The following ZBTB7C variants were observed in gnomAD, a reference collection of about 807,000 sequenced individuals.
ZBTB7C encodes the protein zinc finger and BTB domain containing 7C.
ZBTB7C carries 8 observed loss-of-function variants against 25.7 expected under a neutral mutation model. The observed-to-expected ratio is 0.31, with a 90% confidence interval of 0.18 to 0.56. The LOEUF (loss-of-function observed/expected upper bound fraction) is 0.56, where lower values mean the gene tolerates loss of function less well. ZBTB7C is among the 20% of genes least tolerant of loss of function. The pLI is 0.91. For missense variants in ZBTB7C, 824 were observed against 855.2 expected, an observed-to-expected ratio of 0.96 and a Z score of 0.46; for synonymous variants, 394 against 369.0, an observed-to-expected ratio of 1.07 and a Z score of -0.78.
intron 3 of ZBTB7C, among the ~76,000 whole-genome samples, chr18:48,052,835 G>T (rs907646666): frequency 2.6e-5 from 4 of 152,150 alleles, no homozygotes; most frequent in African/African-American, 9.7e-5. Flanking sequence ...GCCCACACAT[G>T]AATCCATTTC....
chr18:48,345,250 T>A (rs978223449), intron 1 of ZBTB7C, among the ~76,000 whole-genome samples: 23 of 152,330 alleles, frequency 1.5e-4, no homozygotes, highest in African/African-American at 5.5e-4. Context: ...AGGTGTGCAC[T>A]GGACAGGCTG....
intron 1 of ZBTB7C, among the ~76,000 whole-genome samples, chr18:48,353,845 C>T (rs941041283): frequency 3.9e-5 from 6 of 152,130 alleles, no homozygotes; most frequent in Non-Finnish European, 5.9e-5. Context: ...CCTCACACAG[C>T]GTGGAAGTGG....
intron 2 of ZBTB7C, among the ~76,000 whole-genome samples, chr18:48,237,380 A>T (rs112511973): frequency 0.019 from 2,845 of 152,272 alleles, 38 homozygotes; most frequent in Middle Eastern, 0.075. Context: ...AGGAAACAGT[A>T]CAAATGTGGG....
At chr18:48,093,836 A>G (rs1243968186) in intron 3 of ZBTB7C, among the ~76,000 whole-genome samples, 6 of 152,148 alleles carry the variant, frequency 3.9e-5, no homozygotes, top group African/African-American at 1.2e-4. Context: ...CGGGTAGATC[A>G]TGAGGTCAGG....
chr18:48,381,511 AACAGAATC>A (rs2047633100), intron 1 of ZBTB7C, among the ~76,000 whole-genome samples: 1 of 152,246 alleles, frequency 6.6e-6, no homozygotes. Flanking sequence ...TCAAGAAAGG[AACAGAATC>A]ACAGAGATAC....
chr18:48,101,477 C>T (rs1046130757), intron 3 of ZBTB7C, among the ~76,000 whole-genome samples: 3 of 152,078 alleles, frequency 2.0e-5, no homozygotes, highest in African/African-American at 7.2e-5. Context: ...TTTGATATTG[C>T]TTTTTTCACA....
intron 3 of ZBTB7C, among the ~76,000 whole-genome samples, chr18:48,163,736 A>G (rs1318449489): frequency 6.6e-6 from 1 of 152,200 alleles, no homozygotes; most frequent in Non-Finnish European, 1.5e-5. Context: ...ATTAAGAGGG[A>G]CAACAAAAAA....
chr18:48,204,607 C>G (rs1043790728), intron 2 of ZBTB7C, among the ~76,000 whole-genome samples: 2 of 152,174 alleles, frequency 1.3e-5, no homozygotes, highest in Non-Finnish European at 2.9e-5. Flanking sequence ...GCCTCCTTAT[C>G]TACAGCAACA....
chr18:48,165,238 A>G (rs972856666), intron 3 of ZBTB7C: 1 of 667,034 alleles, frequency 1.5e-6, no homozygotes, highest in Non-Finnish European at 2.4e-6. Context: ...CTGTTGGCCC[A>G]CAGCTTAGAG....
intron 3 of ZBTB7C, among the ~76,000 whole-genome samples, chr18:48,184,821 C>T (rs372129481): frequency 2.4e-4 from 1 of 4,160 alleles, no homozygotes; most frequent in Non-Finnish European, 5.0e-4. Flanking sequence ...GGAGAATTTT[C>T]TCTCTCTCTC....
At chr18:48,360,143 C>T (rs1462721270) in intron 1 of ZBTB7C, among the ~76,000 whole-genome samples, 1 of 152,244 alleles carries the variant, frequency 6.6e-6, no homozygotes, top group African/African-American at 2.4e-5. Flanking sequence ...GCGAGAATAA[C>T]TACTTTGCAT....
At chr18:48,367,202 T>TACACACACAC (rs1180190109) in intron 1 of ZBTB7C, among the ~76,000 whole-genome samples, 1 of 63,396 alleles carries the variant, frequency 1.6e-5, no homozygotes, top group African/African-American at 6.1e-5. Context: ...TATATATATA[T>TACACACACAC]ACACACACAC....
chr18:48,283,399 A>T (rs866136711), intron 2 of ZBTB7C, among the ~76,000 whole-genome samples: 3 of 152,332 alleles, frequency 2.0e-5, no homozygotes, highest in Middle Eastern at 6.8e-3. Context: ...ATGAATAGAC[A>T]TCACTTTTAC....
At chr18:48,176,851 G>C (rs1357257427) in intron 3 of ZBTB7C, among the ~76,000 whole-genome samples, 1 of 152,188 alleles carries the variant, frequency 6.6e-6, no homozygotes, top group Non-Finnish European at 1.5e-5. Context: ...CTCAGCCAGG[G>C]GACTGCCAGC....
intron 1 of ZBTB7C, among the ~76,000 whole-genome samples, chr18:48,340,850 G>A (rs116215693): frequency 3.1e-4 from 47 of 152,256 alleles, no homozygotes; most frequent in African/African-American, 1.1e-3. Flanking sequence ...TTTTTCCAAG[G>A]ACAAGGGACA....
At chr18:48,165,186 G>A (rs1344973429) in intron 3 of ZBTB7C, 2 of 1,240,704 alleles carry the variant, frequency 1.6e-6, no homozygotes. Context: ...GAGGGTTCTT[G>A]TCCAAGGTCA....
intron 3 of ZBTB7C, among the ~76,000 whole-genome samples, chr18:48,113,017 G>A (rs1242219892): frequency 1.3e-5 from 2 of 152,196 alleles, no homozygotes; most frequent in Admixed American, 6.5e-5. Flanking sequence ...AACACATATG[G>A]TGTGGAGAAC....
At chr18:48,321,551 C>T (rs1231313877) in intron 2 of ZBTB7C, among the ~76,000 whole-genome samples, 2 of 152,216 alleles carry the variant, frequency 1.3e-5, no homozygotes, top group Non-Finnish European at 1.5e-5. Flanking sequence ...GCAATCAAAG[C>T]TGCACTGGAC....
At chr18:48,152,272 A>G (rs2040702722) in intron 3 of ZBTB7C, among the ~76,000 whole-genome samples, 1 of 152,084 alleles carries the variant, frequency 6.6e-6, no homozygotes, top group Admixed American at 6.5e-5. Context: ...TTTTTCTGGG[A>G]GACAGCCCAT....
Sources: gnomAD v4.1 joint callset for allele counts (sites outside exome capture counted in the v4.1 genomes callset) on GRCh38, gnomAD v4.1.1 for gene constraint, MANE v1.5 for transcripts, NCBI Gene and HGNC (gene_info 2026-07-23, HGNC 2026-07-21) for gene names.